Variants in SYT5 observed in about 807,000 individuals in gnomAD.
SYT5 encodes the protein synaptotagmin-5.
Under a neutral mutation model 36.0 loss-of-function variants are expected in SYT5, and 29 were observed. The observed-to-expected ratio is 0.81, with a 90% CI of 0.60 to 1.10. The LOEUF (loss-of-function observed/expected upper bound fraction) is 1.10. SYT5 is among the 50% of genes least tolerant of loss of function. The pLI, the probability that SYT5 is intolerant of heterozygous loss-of-function variation, is 0.00. For missense variants in SYT5, 512 were observed against 516.0 expected (o/e 0.99, Z 0.08); for synonymous variants, 231 against 227.6 (o/e 1.02, Z -0.14).
In SYT5 at chr19:55,179,376, G is replaced by C. The variant is rs2086120468; in HGVS notation, c.-45-290C>G. 1.0e-5 allele frequency: 7 copies of C among 702,348 alleles called. No individual in the cohort carries two copies. Among genetic ancestry groups the C allele is most frequent in the Non-Finnish European group, 1.5e-5 (7 of 479,234 alleles). The allele number at this position is 702,348 out of a possible 1,614,324, so 43.5% of individuals were successfully genotyped here. On this transcript the variant is annotated intron_variant, in intron 1 of 8. Coordinates refer to ENST00000354308, the MANE Select transcript of SYT5 (RefSeq NM_003180.3). The surrounding 1 kb of genome is among the most constrained non-coding windows in gnomAD (Gnocchi z 4.5). ...ACCGGAAGCGGGCGAAGGCAGACGT[G>C]GGAACCAGCAGACCGCGTTGCCCAG...
intron 3 of SYT5, chr19:55,177,401 C>G (rs184713172): frequency 6.6e-6 from 1 of 152,230 alleles, no homozygotes; most frequent in Admixed American, 6.5e-5. Context: ...TCTCAGTTAA[C>G]TCTGTCCCTC....
At chr19:55,178,495 C>T in intron 2 of SYT5, 127 bp from the exon 3 acceptor site, 3 of 1,175,214 alleles carry the variant, frequency 2.6e-6, no homozygotes, top group Non-Finnish European at 3.5e-6. Flanking sequence ...TGCATTTCTT[C>T]CTGTGTTTTT....
chr19:55,173,419 G>A lies in SYT5; in HGVS notation c.*65C>T. 1 of 1,288,260 alleles carries A rather than the reference G, an allele frequency of 7.8e-7. No individual in the cohort carries two copies. The highest frequency in any genetic ancestry group is 9.9e-7 in the Non-Finnish European group (1 of 1,011,962). 79.8% of individuals were successfully genotyped at this position (1,288,260 alleles called of 1,614,324 possible). ...TAAGGGTGGGGCTGGCTTGGCTTTG[G>A]CCGGTCTCGGGAGTCTGGGGTCAGG... is the stretch of plus-strand genomic sequence containing the variant. On this transcript the variant is annotated 3_prime_UTR_variant, in exon 9 of 9. Transcript: ENST00000354308. The surrounding 1 kb of genome is among the most constrained non-coding windows in gnomAD (Gnocchi z 5.4).
rs2086069014 is a variant in SYT5 at position 55,175,752 on chromosome 19, C to T, written c.497G>A (p.Arg166Gln). ...CCCAAAGTGAGGGTTCAGCGTCTGCCGATGCACCTTGGTCTCGTACCGCCT... is the reference window on the plus strand; with the variant it reads ...CCCAAAGTGAGGGTTCAGCGTCTGCTGATGCACCTTGGTCTCGTACCGCCT... ...KRRRYETKVHRQTLNPHFGET... is the reference protein window; with the variant it reads ...KRRRYETKVHQQTLNPHFGET... The change falls in exon 5 of 9, where the codon CGG (arginine) becomes CAG (glutamine). Residue 166 changes from arginine (R) to glutamine (Q), a missense_variant. Physicochemically the swap from Arg to Gln is conservative, Grantham distance 43. Coordinates refer to ENST00000354308, the MANE Select transcript of SYT5 (RefSeq NM_003180.3). This position sits in a 1 kb window ranked among gnomAD's most constrained non-coding sequence, Gnocchi z 4.5. The T allele has an allele frequency of 1.1e-5, 18 of 1,614,070 alleles. No individual in the cohort carries two copies. Among genetic ancestry groups the T allele is most frequent in the Non-Finnish European group, 1.4e-5 (17 of 1,180,010 alleles).
At position 55,171,710 on chromosome 19, in the gene SYT5, A is replaced by C. The variant is rs1171210338; in HGVS notation, c.*1774T>G. 6.6e-6 allele frequency: 1 copy of C among 152,158 alleles called. No individual in the cohort carries two copies. Among genetic ancestry groups the C allele is most frequent in the African/African-American group, 2.4e-5 (1 of 41,426 alleles). 9.4% of individuals were successfully genotyped at this position (152,158 alleles called of 1,614,324 possible). A position where few individuals can be genotyped will look rare whatever the true frequency, so the allele number is the denominator to read the frequency against. ...GTCAGATGCGGCGGCTCATGTCTAC[A>C]GTCCCAGCTACTCACACAGGAGGAT... is the stretch of plus-strand genomic sequence containing the variant. On this transcript the variant is annotated 3_prime_UTR_variant, in exon 9 of 9. Coordinates refer to ENST00000354308, the MANE Select transcript of SYT5 (RefSeq NM_003180.3).
intron 8 of SYT5, chr19:55,174,064 C>A (rs544223861): frequency 9.0e-6 from 2 of 221,756 alleles, no homozygotes; most frequent in African/African-American, 2.3e-5. Flanking sequence ...TTCTTAGAAC[C>A]ACGTTCCTGA....
Position 55,175,591 on chromosome 19 carries a change from G to T in SYT5, c.540+118C>A. The stretch of plus-strand genomic sequence containing the variant: ...CAGGGTCCAGTGGAATAGCCCCAGA[G>T]CTGGTAGCTGCCACCTGAGCTGTGG... On this transcript the variant is annotated intron_variant, in intron 5 of 8. Transcript: ENST00000354308. This position sits in a 1 kb window ranked among gnomAD's most constrained non-coding sequence, Gnocchi z 4.5. 1 of 1,373,948 alleles carries T rather than the reference G, an allele frequency of 7.3e-7. No homozygotes were observed. The highest frequency in any genetic ancestry group is 1.0e-6 in the Non-Finnish European group (1 of 994,250). 85.1% of individuals were successfully genotyped at this position (1,373,948 alleles called of 1,614,324 possible).
intron 3 of SYT5, 112 bp from the exon 4 acceptor site, chr19:55,176,236 C>G (rs772415699): frequency 5.2e-5 from 74 of 1,434,290 alleles, no homozygotes; most frequent in Non-Finnish European, 6.9e-5. Context: ...TGAGCTCTCA[C>G]AGGCTAAGCA....
chr19:55,176,233 T>C (rs2086075896), intron 3 of SYT5, 109 bp from the exon 4 acceptor site: 1 of 1,481,910 alleles, frequency 6.7e-7, no homozygotes, highest in Admixed American at 1.8e-5. Flanking sequence ...ACCTGAGCTC[T>C]CACAGGCTAA....
chr19:55,175,986 C>G lies in SYT5; in HGVS notation c.372+19G>C. ...CCCCGGGATCCTCCCTCCAAAGCTT[C>G]CCCTTCCTCCACACCCACCTGGCCA... On this transcript the variant is annotated intron_variant, in intron 4 of 8. Transcript: ENST00000354308. This position sits in a 1 kb window ranked among gnomAD's most constrained non-coding sequence, Gnocchi z 4.5. 1.9e-6 allele frequency: 3 copies of G among 1,613,942 alleles called. No homozygotes were observed. The highest frequency in any genetic ancestry group is 2.5e-6 in the Non-Finnish European group (3 of 1,179,994).
intron 3 of SYT5, chr19:55,177,581 C>A (rs199660498): frequency 7.2e-6 from 1 of 139,642 alleles, no homozygotes; most frequent in Non-Finnish European, 1.5e-5. Flanking sequence ...ATTTATTTAT[C>A]TATTTATTGG....
At position 55,172,322 on chromosome 19, in the gene SYT5, G is replaced by A. The variant is rs2086013384; in HGVS notation, c.*1162C>T. On this transcript the variant is annotated 3_prime_UTR_variant, in exon 9 of 9. Transcript: ENST00000354308. ...TGTAGTCCCAGCTGCTCGGGAGGCT[G>A]AGGCAGGAGAATGGCGTGAACCCGG... is the stretch of plus-strand genomic sequence containing the variant. 1 of 151,986 alleles carries A rather than the reference G, an allele frequency of 6.6e-6. No homozygotes were observed. Among genetic ancestry groups the A allele is most frequent in the South Asian group, 2.1e-4 (1 of 4,826 alleles). 9.4% of individuals were successfully genotyped at this position (151,986 alleles called of 1,614,324 possible). A position where few individuals can be genotyped will look rare whatever the true frequency, so the allele number is the denominator to read the frequency against.
Position 55,176,086 on chromosome 19 carries a change from G to C in SYT5, c.291C>G (p.Ser97=), listed in dbSNP as rs1478731646. 6.2e-7 allele frequency: 1 copy of C among 1,614,158 alleles called. No individual in the cohort carries two copies. The highest frequency in any genetic ancestry group is 8.5e-7 in the Non-Finnish European group (1 of 1,180,056). ...TGTCTGCCACCTGCTGCCCTGGCCCGGATGGTGCTGGCTCCAGCTCCTCTA... is the reference window on the plus strand; with the variant it reads ...TGTCTGCCACCTGCTGCCCTGGCCCCGATGGTGCTGGCTCCAGCTCCTCTA... ...PEVEELEPAP[S]GPGQQVADKH... The change falls in exon 4 of 9, where the codon TCC becomes TCG. Residue 97 remains serine (S), a synonymous_variant. Coordinates refer to ENST00000354308, the MANE Select transcript of SYT5 (RefSeq NM_003180.3).
rs2086017806 is a variant in SYT5, at chr19:55,172,656, G to C, written c.*828C>G. ...TTTGATGGCAGTAAGTCGCTTGGGG[G>C]GTCAGGTCTGTGTTTGGATATTCTG... On this transcript the variant is annotated 3_prime_UTR_variant, in exon 9 of 9. Transcript: ENST00000354308. 1 of 152,138 alleles carries C rather than the reference G, an allele frequency of 6.6e-6. No homozygotes were observed. Among genetic ancestry groups the C allele is most frequent in the Non-Finnish European group, 1.5e-5 (1 of 68,090 alleles). 9.4% of individuals were successfully genotyped at this position (152,138 alleles called of 1,614,324 possible). A position where few individuals can be genotyped will look rare whatever the true frequency, so the allele number is the denominator to read the frequency against.
In SYT5 at chr19:55,175,650, T is replaced by C. The variant is rs1252562021; in HGVS notation, c.540+59A>G. The C allele has an allele frequency of 3.8e-6, 6 of 1,587,126 alleles. No individual in the cohort carries two copies. The highest frequency in any genetic ancestry group is 5.2e-6 in the Non-Finnish European group (6 of 1,164,178). On this transcript the variant is annotated intron_variant, in intron 5 of 8. Coordinates refer to ENST00000354308, the MANE Select transcript of SYT5 (RefSeq NM_003180.3). The surrounding 1 kb of genome is among the most constrained non-coding windows in gnomAD (Gnocchi z 4.5). ...AGGAAAAGCGGAAGGGGTCGGTCCC[T>C]AGTGTTCCAGGGACTGGGCACAGGC...
intron 3 of SYT5, among the ~76,000 whole-genome samples, chr19:55,177,946 A>G (rs1376006870): frequency 6.6e-6 from 1 of 152,114 alleles, no homozygotes; most frequent in Non-Finnish European, 1.5e-5. Flanking sequence ...GGCACATATT[A>G]CCCTGTGTGG....
intron 3 of SYT5, among the ~76,000 whole-genome samples, chr19:55,176,891 G>A (rs2086082439): frequency 6.6e-6 from 1 of 152,202 alleles, no homozygotes; most frequent in African/African-American, 2.4e-5. Flanking sequence ...CAGACTTGAG[G>A]CTCAGAGAGG....
rs1352113939 is a variant in SYT5, at chr19:55,175,812, G to C, written c.437C>G (p.Pro146Arg). The change falls in exon 5 of 9, where the codon CCC becomes CGC. Residue 146 changes from proline (P) to arginine (R), a missense_variant. Physicochemically the swap from Pro to Arg is moderately radical, Grantham distance 103. Coordinates refer to ENST00000354308, the MANE Select transcript of SYT5 (RefSeq NM_003180.3). The surrounding 1 kb of genome is among the most constrained non-coding windows in gnomAD (Gnocchi z 4.5). The stretch of plus-strand genomic sequence containing the variant: ...CGGCAGCAGGTAGACCCGCACATAG[G>C]GGTCCGAGGAGCCACCAAGATCCAA... ...AALDLGGSSD[P>R]YVRVYLLPDK... is the part of the protein sequence containing the mutation. 6.2e-7 allele frequency: 1 copy of C among 1,614,048 alleles called. No homozygotes were observed. Among genetic ancestry groups the C allele is most frequent in the African/African-American group, 1.3e-5 (1 of 74,918 alleles).
In SYT5 at chr19:55,176,002, C is replaced by T; in HGVS notation, c.372+3G>A. ...CCAAAGCTTCCCCTTCCTCCACACCCACCTGGCCACTCTGGAAGTCATAAT... is the reference window on the plus strand; with the variant it reads ...CCAAAGCTTCCCCTTCCTCCACACCTACCTGGCCACTCTGGAAGTCATAAT... On this transcript the variant is annotated splice_donor_region_variant and intron_variant, in intron 4 of 8. Coordinates refer to ENST00000354308, the MANE Select transcript of SYT5 (RefSeq NM_003180.3). 6.2e-7 allele frequency: 1 copy of T among 1,614,074 alleles called. No homozygotes were observed. The highest frequency in any genetic ancestry group is 8.5e-7 in the Non-Finnish European group (1 of 1,180,014).
Sources: gnomAD v4.1 joint callset for allele counts (sites outside exome capture counted in the v4.1 genomes callset) on GRCh38, gnomAD v4.1.1 for gene constraint, Gnocchi (gnomAD v3.1) non-coding constraint, MANE v1.5 for transcripts, NCBI Gene and HGNC (gene_info 2026-07-23, HGNC 2026-07-21) for gene names.